The following RASGEF1C variants were observed in gnomAD, a reference collection of about 807,000 sequenced individuals.
RASGEF1C encodes RasGEF domain family member 1C.
In RASGEF1C, 27 loss-of-function variants were observed where a neutral mutation model predicts 58.1. That is an observed-to-expected ratio of 0.46 (90% CI 0.34 to 0.64). The LOEUF is 0.64. Ranked by LOEUF, RASGEF1C falls within the 30% of genes least tolerant of loss-of-function variation. The probability of loss-of-function intolerance (pLI) is 0.01; values close to 1 mark genes in which losing one functional copy is unlikely to be tolerated. For synonymous variants in RASGEF1C, 243 were observed against 246.3 expected, an observed-to-expected ratio of 0.99 and a Z score of 0.13; for missense variants, 502 against 605.1, an observed-to-expected ratio of 0.83 and a Z score of 1.79.
chr5:180,199,460 C>T (rs1198651268), intron 1 of RASGEF1C, among the ~76,000 whole-genome samples: 1 of 152,136 alleles, frequency 6.6e-6, no homozygotes, highest in African/African-American at 2.4e-5. Context: ...ACCAAATGAC[C>T]CGGGGAGATA....
chr5:180,121,637 T>TCACA (rs762495633), intron 6 of RASGEF1C, among the ~76,000 whole-genome samples: 1,696 of 113,294 alleles, frequency 0.015, 9 homozygotes, highest in South Asian at 0.021. Flanking sequence ...AAATGTAACT[T>TCACA]CACACACACA....
intron 1 of RASGEF1C, among the ~76,000 whole-genome samples, chr5:180,170,556 C>G (rs1279765975): frequency 2.0e-5 from 3 of 152,168 alleles, no homozygotes; most frequent in South Asian, 2.1e-4. Context: ...CGCCTGTCCC[C>G]GCGGAGCCCC....
chr5:180,186,490 C>A (rs577588728), intron 1 of RASGEF1C, among the ~76,000 whole-genome samples: 2 of 152,212 alleles, frequency 1.3e-5, no homozygotes, highest in African/African-American at 4.8e-5. Context: ...GAAAGATCTG[C>A]AGACTGAAAA....
intron 4 of RASGEF1C, among the ~76,000 whole-genome samples, chr5:180,130,712 C>T (rs1481388884): frequency 6.6e-6 from 1 of 152,200 alleles, no homozygotes. Flanking sequence ...TGTTCACTGT[C>T]GTGAGATGCT....
At chr5:180,161,157 T>G (rs1330127479) in intron 1 of RASGEF1C, among the ~76,000 whole-genome samples, 1 of 152,114 alleles carries the variant, frequency 6.6e-6, no homozygotes, top group Non-Finnish European at 1.5e-5. Context: ...CCTTGGAGAT[T>G]GATGTACCTG....
At position 180,127,718 on chromosome 5, in the gene RASGEF1C, A is replaced by G. The variant is rs535697355; in HGVS notation, c.640-35T>C. The G allele has an allele frequency of 2.7e-4, 438 of 1,599,748 alleles. 3 individuals carry two copies. In the South Asian group the frequency reaches 3.0e-3, roughly 11 times the overall value. On this transcript the variant is annotated intron_variant, in intron 5 of 13. Transcript: ENST00000361132. ...AGGGTGAAGAGTGGGTAAAAGAGGG[A>G]AGGTATGGGGAGGGGGTGTCCACTG...
chr5:180,121,743 C>T (rs1766180813), intron 6 of RASGEF1C, among the ~76,000 whole-genome samples: 1 of 151,648 alleles, frequency 6.6e-6, no homozygotes, highest in Admixed American at 6.6e-5. Context: ...GTATTCGTAA[C>T]CCCAAAAACT....
chr5:180,187,495 T>C (rs2113330012), intron 1 of RASGEF1C, among the ~76,000 whole-genome samples: 1 of 152,248 alleles, frequency 6.6e-6, no homozygotes, highest in East Asian at 1.9e-4. Flanking sequence ...GAGAAAAATT[T>C]AACCAAAAGG....
intron 6 of RASGEF1C, among the ~76,000 whole-genome samples, chr5:180,121,762 T>C (rs1766180968): frequency 1.3e-5 from 2 of 152,106 alleles, no homozygotes; most frequent in African/African-American, 4.8e-5. Context: ...CTTGTGTCAC[T>C]TTCGTGGTCG....
chr5:180,135,118 C>T (rs552737459), intron 4 of RASGEF1C: 15 of 140,906 alleles, frequency 1.1e-4, no homozygotes, highest in African/African-American at 3.3e-4. Context: ...GTCACAATCT[C>T]GAGATGGATT....
At chr5:180,179,425 G>A (rs1160564765) in intron 1 of RASGEF1C, among the ~76,000 whole-genome samples, 1 of 152,142 alleles carries the variant, frequency 6.6e-6, no homozygotes, top group Non-Finnish European at 1.5e-5. Context: ...GTGGTGCACA[G>A]GGAGTGGAGC....
At chr5:180,194,663 A>G (rs1386708677) in intron 1 of RASGEF1C, among the ~76,000 whole-genome samples, 1 of 152,252 alleles carries the variant, frequency 6.6e-6, no homozygotes, top group Admixed American at 6.5e-5. Flanking sequence ...TGGTCAGGAC[A>G]CTGCCACTTC....
chr5:180,167,663 A>T (rs1767042629), intron 1 of RASGEF1C, among the ~76,000 whole-genome samples: 1 of 152,182 alleles, frequency 6.6e-6, no homozygotes, highest in East Asian at 1.9e-4. Flanking sequence ...TTTTCATAAT[A>T]GCTGCTTTCA....
intron 12 of RASGEF1C, among the ~76,000 whole-genome samples, chr5:180,109,194 C>A (rs915676210): frequency 1.7e-4 from 26 of 152,072 alleles, no homozygotes; most frequent in African/African-American, 5.8e-4. Context: ...TGGTGGCTCA[C>A]GCCTGTAATC....
intron 1 of RASGEF1C, among the ~76,000 whole-genome samples, chr5:180,148,304 C>CT (rs1766690288): frequency 6.6e-6 from 1 of 152,034 alleles, no homozygotes; most frequent in African/African-American, 2.4e-5. Context: ...TTCTGCCAAT[C>CT]TTTGTCTTTT....
At chr5:180,134,407 G>A (rs1032564059) in intron 4 of RASGEF1C, among the ~76,000 whole-genome samples, 2 of 151,936 alleles carry the variant, frequency 1.3e-5, no homozygotes, top group Non-Finnish European at 2.9e-5. Flanking sequence ...CCACCACCAA[G>A]ACATGGCTCC....
chr5:180,170,083 C>T (rs1448928335), intron 1 of RASGEF1C, among the ~76,000 whole-genome samples: 1 of 152,234 alleles, frequency 6.6e-6, no homozygotes, highest in African/African-American at 2.4e-5. Flanking sequence ...GGACTGGGAG[C>T]TCCACTGGGG....
At position 180,197,318 on chromosome 5, in the gene RASGEF1C, T is replaced by C. The variant is rs1256916085; in HGVS notation, c.-7+11710A>G. On this transcript the variant is annotated intron_variant, in intron 1 of 13. Coordinates refer to ENST00000361132, the MANE Select transcript of RASGEF1C (RefSeq NM_175062.4). The surrounding 1 kb of genome is among the most constrained non-coding windows in gnomAD (Gnocchi z 4.7). ...ACGGCAGGGGGAAGCAATGGCGGGA[T>C]CCAGGGTGCTGCTCAGGGCAGTGGT... is the stretch of plus-strand genomic sequence containing the variant. Among the ~76,000 whole-genome samples, 1 of 152,152 alleles carries C rather than the reference T, an allele frequency of 6.6e-6. No individual in the cohort carries two copies. Among genetic ancestry groups the C allele is most frequent in the African/African-American group, 2.4e-5 (1 of 41,418 alleles).
At chr5:180,116,733 G>A (rs1002749981) in intron 10 of RASGEF1C, among the ~76,000 whole-genome samples, 1 of 152,198 alleles carries the variant, frequency 6.6e-6, no homozygotes, top group Non-Finnish European at 1.5e-5. Flanking sequence ...ATGGCTGACG[G>A]CTCCCAGCCC....
Sources: gnomAD v4.1 joint callset for allele counts (sites outside exome capture counted in the v4.1 genomes callset) on GRCh38, gnomAD v4.1.1 for gene constraint, Gnocchi (gnomAD v3.1) non-coding constraint, MANE v1.5 for transcripts, NCBI Gene and HGNC (gene_info 2026-07-23, HGNC 2026-07-21) for gene names.